Variants in SARAF observed in about 807,000 individuals in gnomAD.
The protein encoded by SARAF is store-operated calcium entry associated regulatory factor.
SARAF carries 23 observed loss-of-function variants against 39.7 expected under a neutral mutation model. The observed-to-expected ratio is 0.58, with a 90% CI of 0.42 to 0.82. The LOEUF is 0.82. SARAF is among the 40% of genes least tolerant of loss of function. The pLI, the probability that SARAF is intolerant of heterozygous loss-of-function variation, is 0.00. For synonymous variants in SARAF, 175 were observed against 168.5 expected (o/e 1.04, Z -0.30); for missense variants, 384 against 418.5 (o/e 0.92, Z 0.72).
chr8:30,066,101 G>A lies in SARAF; in HGVS notation c.881C>T (p.Ser294Phe), dbSNP rs779741940. Reference protein sequence around the residue: ...TPFSDSWYYPSYPPSYPGTWN... With the variant: ...TPFSDSWYYPFYPPSYPGTWN... ...CGTGCCAGGGTAGGAGGGAGGATAG[G>A]ACGGGTAGTACCACGAGTCTGAGAA... The change falls in exon 5 of 6, where the codon TCC (serine) becomes TTC (phenylalanine). Residue 294 changes from serine (S) to phenylalanine (F), a missense_variant. Physicochemically the swap from Ser to Phe is radical, Grantham distance 155. Transcript: ENST00000256255. The A allele has an allele frequency of 5.6e-6, 9 of 1,614,186 alleles. No homozygotes were observed. The highest frequency in any genetic ancestry group is 7.6e-6 in the Non-Finnish European group (9 of 1,180,030).
At chr8:30,081,816 T>G (rs766911611) in intron 1 of SARAF, among the ~76,000 whole-genome samples, 24 of 151,898 alleles carry the variant, frequency 1.6e-4, no homozygotes, top group Non-Finnish European at 2.5e-4. Flanking sequence ...TCTAAGTATA[T>G]AGACATATAC....
At chr8:30,072,304 GT>G (rs1474681599) in intron 2 of SARAF, among the ~76,000 whole-genome samples, 1 of 152,098 alleles carries the variant, frequency 6.6e-6, no homozygotes, top group African/African-American at 2.4e-5. Context: ...TTCTTACTGA[GT>G]TGTAAGAGTT....
At chr8:30,066,604 C>A (rs965210578) in intron 4 of SARAF, among the ~76,000 whole-genome samples, 173 bp downstream of exon 4, 1 of 152,158 alleles carries the variant, frequency 6.6e-6, no homozygotes, top group South Asian at 2.1e-4. Flanking sequence ...AAATAACATA[C>A]ACAATACTGA....
At position 30,069,677 on chromosome 8, in the gene SARAF, C is replaced by A; in HGVS notation, c.665G>T (p.Gly222Val). The A allele has an allele frequency of 1.9e-6, 3 of 1,614,038 alleles. No homozygotes were observed. Among genetic ancestry groups the A allele is most frequent in the South Asian group, 1.1e-5 (1 of 91,058 alleles). ...AGACTTAAAGCCTGGGGGAGGAGGT[C>A]CTGCTGAGTTGGTGAATCTCTGGTA... ...HRYQRFTNSA[G>V]PPPPGFKSEF... is the part of the protein sequence containing the mutation. Residue 222 changes from glycine (G) to valine (V), a missense_variant, in exon 3 of 6, where the codon GGA becomes GTA. Physicochemically the swap from Gly to Val is moderately radical, Grantham distance 109. Transcript: ENST00000256255.
In SARAF at chr8:30,063,527, C is replaced by A. The variant is rs1801603778; in HGVS notation, c.*361G>T. On this transcript the variant is annotated 3_prime_UTR_variant, in exon 6 of 6. Transcript: ENST00000256255. Reference sequence around the variant, plus strand: ...GGTAATAACTCATCAGCTACAACCACCTAAAACTGAAATTTTCTGTACTTA... The same window carrying A: ...GGTAATAACTCATCAGCTACAACCAACTAAAACTGAAATTTTCTGTACTTA... The A allele has an allele frequency of 2.3e-5, 6 of 258,324 alleles. No homozygotes were observed. Among genetic ancestry groups the A allele is most frequent in the Non-Finnish European group, 4.4e-5 (6 of 135,672 alleles). 16.0% of individuals were successfully genotyped at this position (258,324 alleles called of 1,614,324 possible).
At chr8:30,082,684 G>C (rs1802134054) in intron 1 of SARAF, 163 bp downstream of exon 1, 1 of 545,006 alleles carries the variant, frequency 1.8e-6, no homozygotes, top group African/African-American at 2.0e-5. Context: ...CCTGGGAAGA[G>C]CAGTGGAACC....
rs766661910 is a variant in SARAF, at chr8:30,066,965, G to A, written c.701-47C>T. ...TATGTATCCTCACTTAAACATGACAGTCTACAAAAGCAAAGATAATGTAAC... is the reference window on the plus strand; with the variant it reads ...TATGTATCCTCACTTAAACATGACAATCTACAAAAGCAAAGATAATGTAAC... On this transcript the variant is annotated intron_variant, in intron 3 of 5. Transcript: ENST00000256255. The A allele has an allele frequency of 9.6e-6, 15 of 1,566,970 alleles. No homozygotes were observed. In the East Asian group the frequency reaches 2.7e-4, roughly 28 times the overall value.
chr8:30,076,333 C>T (rs117599223), intron 1 of SARAF, among the ~76,000 whole-genome samples: 1,620 of 152,256 alleles, frequency 0.011, 9 homozygotes, highest in Non-Finnish European at 0.017. Context: ...AACAGCCATC[C>T]CCTTGTCCTC....
chr8:30,068,955 T>C (rs2117425311), intron 3 of SARAF, among the ~76,000 whole-genome samples: 1 of 152,224 alleles, frequency 6.6e-6, no homozygotes, highest in African/African-American at 2.4e-5. Context: ...CCTAAGGTCA[T>C]AACAAATATT....
In SARAF at chr8:30,063,831, G is replaced by GA; in HGVS notation, c.*56dup. On this transcript the variant is annotated 3_prime_UTR_variant, in exon 6 of 6. Transcript: ENST00000256255. ...ACAGGTAGTACTTTTTTTCTAAAGA[G>GA]AAAGTGATGAAAAATCCAAAATTTC... 2 of 1,482,112 alleles carry GA rather than the reference G, an allele frequency of 1.3e-6. No homozygotes were observed. Among genetic ancestry groups the GA allele is most frequent in the Non-Finnish European group, 1.9e-6 (2 of 1,061,134 alleles). 91.8% of individuals were successfully genotyped at this position (1,482,112 alleles called of 1,614,324 possible).
At chr8:30,074,362 T>C (rs535141460) in intron 1 of SARAF, among the ~76,000 whole-genome samples, 17 of 152,204 alleles carry the variant, frequency 1.1e-4, no homozygotes, top group Admixed American at 3.3e-4. Flanking sequence ...TACTGTGTAA[T>C]AATAATAGTG....
At chr8:30,067,046 T>A in intron 3 of SARAF, 128 bp from the exon 4 acceptor site, 1 of 956,574 alleles carries the variant, frequency 1.0e-6, no homozygotes, top group Non-Finnish European at 1.6e-6. Flanking sequence ...ATCAAGTTAT[T>A]AACAAGTTGT....
intron 2 of SARAF, 80 bp downstream of exon 2, chr8:30,073,797 A>T: frequency 7.5e-7 from 1 of 1,327,712 alleles, no homozygotes; most frequent in Non-Finnish European, 1.1e-6. Flanking sequence ...GTGCACCCTC[A>T]AAAGACTGAA....
At chr8:30,080,184 TCTA>T in intron 1 of SARAF, among the ~76,000 whole-genome samples, 1 of 152,236 alleles carries the variant, frequency 6.6e-6, no homozygotes, top group East Asian at 1.9e-4. Flanking sequence ...TAACCAGCTC[TCTA>T]CTGCTCCTGC....
At chr8:30,065,210 T>C (rs949453922) in intron 5 of SARAF, among the ~76,000 whole-genome samples, 1 of 152,186 alleles carries the variant, frequency 6.6e-6, no homozygotes, top group Non-Finnish European at 1.5e-5. Context: ...AACAGTCTTG[T>C]GCTTATCTGC....
chr8:30,067,134 A>AT, intron 3 of SARAF: 1 of 545,602 alleles, frequency 1.8e-6, no homozygotes, highest in Non-Finnish European at 3.2e-6. Flanking sequence ...AGAGGGATAG[A>AT]TTTTGGGACT....
chr8:30,064,139 CAGTT>C (rs771198174), intron 5 of SARAF, among the ~76,000 whole-genome samples: 17 of 152,196 alleles, frequency 1.1e-4, no homozygotes, highest in Admixed American at 2.6e-4. Flanking sequence ...CTGGGAATGA[CAGTT>C]AGGACCCCAA....
At position 30,067,102 on chromosome 8, in the gene SARAF, C is replaced by G. The variant is rs976978909; in HGVS notation, c.701-184G>C. 11 of 641,398 alleles carry G rather than the reference C, an allele frequency of 1.7e-5. No individual in the cohort carries two copies. The African/African-American group carries it at 1.8e-4, about 11-fold the overall frequency. The allele number at this position is 641,398 out of a possible 1,614,324, so 39.7% of individuals were successfully genotyped here. A position where few individuals can be genotyped will look rare whatever the true frequency, so the allele number is the denominator to read the frequency against. On this transcript the variant is annotated intron_variant, in intron 3 of 5. Transcript: ENST00000256255. ...AATACTGGTTTATAATGAGGGAGAG[C>G]ATTTCCCATAGATATGGGAGGAGAG... is the stretch of plus-strand genomic sequence containing the variant.
intron 1 of SARAF, chr8:30,078,139 CAAA>C: frequency 1.3e-4 from 27 of 210,472 alleles, no homozygotes; most frequent in Admixed American, 3.2e-4. Flanking sequence ...GACTCCGTCT[CAAA>C]AAAAAAAAAA....
Sources: gnomAD v4.1 joint callset for allele counts (sites outside exome capture counted in the v4.1 genomes callset) on GRCh38, gnomAD v4.1.1 for gene constraint, MANE v1.5 for transcripts, NCBI Gene and HGNC (gene_info 2026-07-23, HGNC 2026-07-21) for gene names.